CFAP299: variants seen among roughly 807,000 people sequenced by gnomAD.
CFAP299 encodes the protein cilia and flagella associated protein 299.
CFAP299 carries 21 observed loss-of-function variants against 27.0 expected under a neutral mutation model. The observed-to-expected ratio is 0.78, with a 90% CI of 0.55 to 1.12. CFAP299 has a LOEUF of 1.12. Ranked by LOEUF, CFAP299 falls within the 50% of genes most tolerant of loss-of-function variation. The pLI is 0.00. For missense variants in CFAP299, 310 were observed against 276.6 expected, an observed-to-expected ratio of 1.12 and a Z score of -0.86; for synonymous variants, 104 against 98.1, an observed-to-expected ratio of 1.06 and a Z score of -0.36.
rs1733005766 is a variant in CFAP299, at chr4:80,870,266, T to C, written c.476+131T>C. 4 of 1,293,346 alleles carry C rather than the reference T, an allele frequency of 3.1e-6. No homozygotes were observed. The South Asian group carries it at 1.1e-4, about 35-fold the overall frequency. The allele number at this position is 1,293,346 out of a possible 1,614,324, so 80.1% of individuals were successfully genotyped here. A position where few individuals can be genotyped will look rare whatever the true frequency, so the allele number is the denominator to read the frequency against. On this transcript the variant is annotated intron_variant, in intron 4 of 5. Coordinates refer to ENST00000358105, the MANE Select transcript of CFAP299 (RefSeq NM_152770.3). ...ATATAACTGGTTATTAATATGAAAA[T>C]AACTAAATCTTAAAATAAGGAATAA...
chr4:80,525,566 T>G (rs1560607929), intron 2 of CFAP299, among the ~76,000 whole-genome samples: 1 of 152,160 alleles, frequency 6.6e-6, no homozygotes, highest in Non-Finnish European at 1.5e-5. Flanking sequence ...TAAACTTTTC[T>G]GAATCTTTCA....
intron 3 of CFAP299, among the ~76,000 whole-genome samples, chr4:80,645,839 C>T (rs554126516): frequency 6.6e-6 from 1 of 152,076 alleles, no homozygotes; most frequent in Non-Finnish European, 1.5e-5. Context: ...AGGTCAAGGG[C>T]TTATTGCACC....
At chr4:80,861,650 A>T (rs1269323483) in intron 3 of CFAP299, among the ~76,000 whole-genome samples, 1 of 152,224 alleles carries the variant, frequency 6.6e-6, no homozygotes. Flanking sequence ...GAATTTCAGC[A>T]CAGTTATTTC....
At chr4:80,907,720 C>T (rs1336236872) in intron 4 of CFAP299, among the ~76,000 whole-genome samples, 1 of 152,146 alleles carries the variant, frequency 6.6e-6, no homozygotes, top group Non-Finnish European at 1.5e-5. Context: ...CCCCATGATG[C>T]AATTACCTCC....
At chr4:80,526,261 T>C (rs1022879224) in intron 2 of CFAP299, among the ~76,000 whole-genome samples, 2 of 152,110 alleles carry the variant, frequency 1.3e-5, no homozygotes, top group African/African-American at 4.8e-5. Flanking sequence ...ATATATTCAT[T>C]TGGAAAGTAG....
At chr4:80,706,744 ATATT>A (rs1721842658) in intron 3 of CFAP299, among the ~76,000 whole-genome samples, 1 of 151,844 alleles carries the variant, frequency 6.6e-6, no homozygotes, top group Non-Finnish European at 1.5e-5. Context: ...TGTTAGAGTG[ATATT>A]TATTGAGTGG....
chr4:80,599,939 AAAAC>A (rs1468136352), intron 3 of CFAP299, among the ~76,000 whole-genome samples: 1 of 152,166 alleles, frequency 6.6e-6, no homozygotes, highest in Non-Finnish European at 1.5e-5. Context: ...TTGGGATACA[AAAAC>A]AAACAAAAAG....
In CFAP299 at chr4:80,391,005, G is replaced by A. The variant is rs13151588; in HGVS notation, c.242+28121G>A. Among the ~76,000 whole-genome samples, 576 of 60,788 alleles carry A rather than the reference G, an allele frequency of 9.5e-3. 12 individuals carry two copies. Among genetic ancestry groups the A allele is most frequent in the African/African-American group, 0.026 (528 of 20,288 alleles). The allele number at this position is 60,788 out of a possible 152,430, so 39.9% of individuals were successfully genotyped here. A position where few individuals can be genotyped will look rare whatever the true frequency, so the allele number is the denominator to read the frequency against. On this transcript the variant is annotated intron_variant, in intron 2 of 5. Coordinates refer to ENST00000358105, the MANE Select transcript of CFAP299 (RefSeq NM_152770.3). ...CACATGTATATATGTATATATGTAT[G>A]TACACACATGTATATATGTATATAT... is the stretch of plus-strand genomic sequence containing the variant.
chr4:80,798,393 G>A (rs1479553034), intron 3 of CFAP299, among the ~76,000 whole-genome samples: 1 of 151,992 alleles, frequency 6.6e-6, no homozygotes, highest in Non-Finnish European at 1.5e-5. Context: ...TGTTTCTTCT[G>A]GCAAAAAATG....
intron 3 of CFAP299, among the ~76,000 whole-genome samples, chr4:80,789,356 G>A (rs1727422658): frequency 6.6e-6 from 1 of 151,870 alleles, no homozygotes; most frequent in Non-Finnish European, 1.5e-5. Context: ...AGTATATTTG[G>A]GTCAAGGTTT....
chr4:80,632,081 C>G (rs1022997261), intron 3 of CFAP299, among the ~76,000 whole-genome samples: 3 of 152,028 alleles, frequency 2.0e-5, no homozygotes, highest in Non-Finnish European at 4.4e-5. Context: ...GCACCCTGAT[C>G]TTAGATTTCT....
intron 2 of CFAP299, among the ~76,000 whole-genome samples, chr4:80,438,689 C>T (rs544815309): frequency 6.6e-6 from 1 of 152,228 alleles, no homozygotes; most frequent in African/African-American, 2.4e-5. Flanking sequence ...TAGAAATGTC[C>T]AGGCTTTTCT....
chr4:80,641,171 A>G (rs113249552), intron 3 of CFAP299, among the ~76,000 whole-genome samples: 1 of 152,120 alleles, frequency 6.6e-6, no homozygotes, highest in African/African-American at 2.4e-5. Context: ...TAAAATTAAT[A>G]TATTCATCAT....
In CFAP299 at chr4:80,959,706, G is replaced by A. The variant is rs190445998; in HGVS notation, c.607-3811G>A. On this transcript the variant is annotated intron_variant, in intron 5 of 5. Transcript: ENST00000358105. ...CAAAGGTAAAGGAATAACTCTTTGT[G>A]ATATTTTTGAAGGGCCATCTGGGAA... Among the ~76,000 whole-genome samples, 815 of 151,994 alleles carry A rather than the reference G, an allele frequency of 5.4e-3. 2 individuals carry two copies. The highest frequency in any genetic ancestry group is 0.014 in the Middle Eastern group (4 of 294).
intron 3 of CFAP299, among the ~76,000 whole-genome samples, chr4:80,673,640 G>A (rs529531053): frequency 6.6e-6 from 1 of 152,098 alleles, no homozygotes; most frequent in South Asian, 2.1e-4. Flanking sequence ...TTATTATTGT[G>A]TGGGAGTCTA....
chr4:80,906,764 G>C (rs775344200), intron 4 of CFAP299, among the ~76,000 whole-genome samples: 8 of 152,086 alleles, frequency 5.3e-5, no homozygotes, highest in Non-Finnish European at 1.0e-4. Context: ...GGGACACAGA[G>C]CACCATGTCT....
chr4:80,689,716 C>T (rs1426918965), intron 3 of CFAP299, among the ~76,000 whole-genome samples: 3 of 152,126 alleles, frequency 2.0e-5, no homozygotes, highest in Non-Finnish European at 4.4e-5. Context: ...TGTAAATGGA[C>T]TAAATGCTCC....
chr4:80,696,490 C>T (rs766344137), intron 3 of CFAP299, among the ~76,000 whole-genome samples: 93 of 151,772 alleles, frequency 6.1e-4, no homozygotes, highest in Non-Finnish European at 1.1e-3. Flanking sequence ...CAATAAGAGA[C>T]AGAAAAACAA....
intron 4 of CFAP299, among the ~76,000 whole-genome samples, chr4:80,910,671 TGAGGGTA>T (rs1334050420): frequency 6.6e-6 from 1 of 152,042 alleles, no homozygotes; most frequent in Non-Finnish European, 1.5e-5. Flanking sequence ...AGGGGCTACC[TGAGGGTA>T]GAGGGTGGAA....
Sources: allele counts gnomAD v4.1 joint callset (sites outside exome capture counted in the v4.1 genomes callset), GRCh38; gene constraint gnomAD v4.1.1; transcripts MANE v1.5; gene names NCBI Gene and HGNC (gene_info 2026-07-23, HGNC 2026-07-21).